Variants in CD99L2 observed in about 807,000 individuals in gnomAD.
The protein encoded by CD99L2 is CD99 molecule like 2, also known as CD99 antigen-like protein 2.
Under a neutral mutation model 27.3 loss-of-function variants are expected in CD99L2, and 24 were observed. The ratio of observed to expected loss-of-function variants is 0.88; its 90% CI spans 0.64 to 1.24. The LOEUF (loss-of-function observed/expected upper bound fraction) is 1.24. CD99L2 is among the 50% of genes most tolerant of loss of function. CD99L2 has a pLI of 0.00. For synonymous variants in CD99L2, 97 were observed against 87.9 expected, an observed-to-expected ratio of 1.10 and a Z score of -0.58; for missense variants, 255 against 221.6, an observed-to-expected ratio of 1.15 and a Z score of -0.96.
intron 2 of CD99L2, among the ~76,000 whole-genome samples, chrX:150,827,759 T>C (rs1323452762): frequency 8.9e-6 from 1 of 111,870 alleles, no homozygotes; most frequent in Non-Finnish European, 1.9e-5. Flanking sequence ...AAAATTAACT[T>C]CTAAGAGACT....
At chrX:150,878,269 C>G (rs369347485) in intron 1 of CD99L2, among the ~76,000 whole-genome samples, 2 of 106,851 alleles carry the variant, frequency 1.9e-5, no homozygotes, top group African/African-American at 6.9e-5. Context: ...ACCCGGGAGG[C>G]GGAGGCTGCA....
At chrX:150,843,048 GC>G (rs1240877683) in intron 1 of CD99L2, among the ~76,000 whole-genome samples, 1 of 112,464 alleles carries the variant, frequency 8.9e-6, no homozygotes, top group African/African-American at 3.2e-5. Flanking sequence ...TGGATTTCAT[GC>G]CAAGAGCAAG....
At chrX:150,834,904 T>A (rs1400181331) in intron 1 of CD99L2, among the ~76,000 whole-genome samples, 1 of 112,380 alleles carries the variant, frequency 8.9e-6, no homozygotes, top group Non-Finnish European at 1.9e-5. Context: ...GTACTATACA[T>A]CCTTTAAAAA....
rs907825545 is a variant in CD99L2, at chrX:150,771,051, A to C, written c.656-682T>G. ...TCCCGCCAGCAAGGGCCAGTGTTCA[A>C]GTTCTTAGAGTGGACCCCACCCCTG... On this transcript the variant is annotated intron_variant, in intron 9 of 10. Coordinates refer to ENST00000370377, the MANE Select transcript of CD99L2 (RefSeq NM_031462.4). 2.0e-4 allele frequency among the ~76,000 whole-genome samples: 23 copies of C among 112,258 alleles called. 1 individual carries two copies. The highest frequency in any genetic ancestry group is 1.8e-3 in the Admixed American group (19 of 10,680).
chrX:150,816,187 T>A, intron 2 of CD99L2, 109 bp from the exon 3 acceptor site: 1 of 714,820 alleles, frequency 1.4e-6, no homozygotes, highest in Non-Finnish European at 2.2e-6. Context: ...CTTGTCTTGG[T>A]CCTTGAGGCC....
chrX:150,818,559 C>CT (rs1557420606), intron 2 of CD99L2, among the ~76,000 whole-genome samples: 1 of 111,025 alleles, frequency 9.0e-6, no homozygotes, highest in African/African-American at 3.3e-5. Flanking sequence ...TTATGAAATA[C>CT]TTTGAGATCA....
chrX:150,830,315 G>A lies in CD99L2; in HGVS notation c.130+916C>T, dbSNP rs1002787830. ...CTCATAATCTCAGTATTTTGGGAGG[G>A]CAAAATGGGAGAATCACTTAAGGCC... On this transcript the variant is annotated intron_variant, in intron 2 of 10. Transcript: ENST00000370377. Among the ~76,000 whole-genome samples, 7 of 111,170 alleles carry A rather than the reference G, an allele frequency of 6.3e-5. No homozygotes were observed. In the Admixed American group the frequency reaches 6.7e-4, roughly 11 times the overall value.
At chrX:150,874,260 T>G (rs782187861) in intron 1 of CD99L2, among the ~76,000 whole-genome samples, 29 of 112,144 alleles carry the variant, frequency 2.6e-4, no homozygotes, top group African/African-American at 8.4e-4. Context: ...CTCAGAGACG[T>G]GAGCAGCCAT....
Position 150,853,660 on chromosome X carries a change from G to A in CD99L2, c.68-22367C>T, listed in dbSNP as rs985972189. On this transcript the variant is annotated intron_variant, in intron 1 of 10. Transcript: ENST00000370377. ...AAGGTCACTCAGCTGGTTGGCACAGGTCTGCGACTATAATCTCTTTAATGA... is the reference window on the plus strand; with the variant it reads ...AAGGTCACTCAGCTGGTTGGCACAGATCTGCGACTATAATCTCTTTAATGA... Among the ~76,000 whole-genome samples the A allele has an allele frequency of 2.7e-5, 3 of 111,514 alleles. No homozygotes were observed. In the East Asian group the frequency reaches 8.5e-4, roughly 31 times the overall value.
At chrX:150,884,714 G>A (rs951614426) in intron 1 of CD99L2, among the ~76,000 whole-genome samples, 1 of 111,405 alleles carries the variant, frequency 9.0e-6, no homozygotes, top group Admixed American at 9.6e-5. Flanking sequence ...ATAAATGTAG[G>A]TGGACCTTGT....
intron 1 of CD99L2, among the ~76,000 whole-genome samples, chrX:150,881,996 T>G (rs2047335964): frequency 9.1e-6 from 1 of 110,114 alleles, no homozygotes; most frequent in African/African-American, 3.3e-5. Context: ...TTTTATACTT[T>G]TAATAGAGAC....
chrX:150,838,866 C>T (rs1358121642), intron 1 of CD99L2, among the ~76,000 whole-genome samples: 4 of 68,928 alleles, frequency 5.8e-5, no homozygotes, highest in Non-Finnish European at 7.4e-5. Context: ...AAAACATGAA[C>T]TTTAACATAG....
Position 150,833,474 on chromosome X carries a change from C to T in CD99L2, c.68-2181G>A, listed in dbSNP as rs2046476065. Among the ~76,000 whole-genome samples, 3 of 111,570 alleles carry T rather than the reference C, an allele frequency of 2.7e-5. No individual in the cohort carries two copies. In the South Asian group the frequency reaches 1.1e-3, roughly 42 times the overall value. ...AAAAAATCCTAAAATTTGTATGGAA[C>T]CAGAAATGACCCCCAATAGCCAAAG... On this transcript the variant is annotated intron_variant, in intron 1 of 10. Coordinates refer to ENST00000370377, the MANE Select transcript of CD99L2 (RefSeq NM_031462.4).
At chrX:150,783,883 G>A (rs1444456823) in intron 7 of CD99L2, among the ~76,000 whole-genome samples, 4 of 111,695 alleles carry the variant, frequency 3.6e-5, no homozygotes, top group South Asian at 3.8e-4. Flanking sequence ...TGGAGGGTTC[G>A]CACTTGGAGC....
chrX:150,795,183 G>T, intron 6 of CD99L2, 23 bp downstream of exon 6: 1 of 1,206,964 alleles, frequency 8.3e-7, no homozygotes, highest in Non-Finnish European at 1.1e-6. Flanking sequence ...TAATGAGACA[G>T]AACCAGACCA....
chrX:150,898,580 G>C lies in CD99L2; in HGVS notation c.9C>G (p.Ala3=). 1.8e-6 allele frequency: 2 copies of C among 1,112,477 alleles called. No homozygotes were observed. The highest frequency in any genetic ancestry group is 1.9e-5 in the African/African-American group (1 of 52,223). The allele number at this position is 1,112,477 out of a possible 1,213,427, so 91.7% of individuals were successfully genotyped here. A position where few individuals can be genotyped will look rare whatever the true frequency, so the allele number is the denominator to read the frequency against. The part of the protein sequence containing the change: MV[A]WRSAFLVCLA... ...GGCAGACAAGGAACGCCGAGCGCCA[G>C]GCCACCATGGCTGGGAGCAGGCGGA... The change falls in exon 1 of 11, where the codon GCC becomes GCG. Residue 3 remains alanine, a synonymous_variant. Coordinates refer to ENST00000370377, the MANE Select transcript of CD99L2 (RefSeq NM_031462.4).
chrX:150,775,258 G>A (rs190480420), intron 9 of CD99L2, among the ~76,000 whole-genome samples: 6 of 111,829 alleles, frequency 5.4e-5, no homozygotes, highest in East Asian at 2.8e-4. Context: ...CAAAGGGGCC[G>A]GGGAAGGAGT....
intron 1 of CD99L2, among the ~76,000 whole-genome samples, chrX:150,845,017 A>C (rs1381780082): frequency 8.9e-6 from 1 of 112,554 alleles, no homozygotes; most frequent in Non-Finnish European, 1.9e-5. Flanking sequence ...CTTAATTTAA[A>C]TGCAGGGGAA....
intron 7 of CD99L2, 30 bp from the exon 8 acceptor site, chrX:150,777,512 A>C: frequency 8.3e-7 from 1 of 1,204,049 alleles, no homozygotes; most frequent in Non-Finnish European, 1.1e-6. Context: ...ACTTAGTGCC[A>C]GCGACCAGCC....
Sources: gnomAD v4.1 joint callset for allele counts (sites outside exome capture counted in the v4.1 genomes callset) on GRCh38, gnomAD v4.1.1 for gene constraint, MANE v1.5 for transcripts, NCBI Gene and HGNC (gene_info 2026-07-23, HGNC 2026-07-21) for gene names.